The following PREX2 variants were observed in gnomAD, a reference collection of about 807,000 sequenced individuals.
PREX2 encodes phosphatidylinositol 3,4,5-trisphosphate-dependent Rac exchanger 2 protein.
PREX2 carries 107 observed loss-of-function variants against 203.2 expected under a neutral mutation model. The ratio of observed to expected loss-of-function variants is 0.53; its 90% CI spans 0.45 to 0.62. PREX2 has a LOEUF of 0.62. Ranked by LOEUF, PREX2 falls within the 20% of genes least tolerant of loss-of-function variation. The pLI is 0.00. For synonymous variants in PREX2, 672 were observed against 663.6 expected, an observed-to-expected ratio of 1.01 and a Z score of -0.19; for missense variants, 1,777 against 1,955.9, an observed-to-expected ratio of 0.91 and a Z score of 1.72.
At chr8:68,102,321 T>G (rs1810289258) in intron 23 of PREX2, among the ~76,000 whole-genome samples, 1 of 152,188 alleles carries the variant, frequency 6.6e-6, no homozygotes, top group African/African-American at 2.4e-5. Context: ...AAAAGAGACA[T>G]GTAGTCACCT....
chr8:68,051,797 C>G (rs1362471855), intron 8 of PREX2, among the ~76,000 whole-genome samples: 2 of 152,044 alleles, frequency 1.3e-5, no homozygotes, highest in African/African-American at 4.8e-5. Flanking sequence ...CAGTTTAAAT[C>G]TCTATATTAT....
In PREX2 at chr8:68,108,118, G is replaced by A. The variant is rs758672253; in HGVS notation, c.2725G>A (p.Val909Ile). ...RISSYKKFSRVLKNRAWPTFK... is the reference protein window; with the variant it reads ...RISSYKKFSRILKNRAWPTFK... ...TTTCTTTAATTTGCAGTTTTCTCGT[G>A]TACTGAAGAATAGGGCCTGGCCTAC... Residue 909 changes from valine (V) to isoleucine (I), a missense_variant, in exon 24 of 40, where the codon GTA becomes ATA. By Grantham distance (29) the Val-to-Ile change is conservative. Transcript: ENST00000288368. The A allele has an allele frequency of 2.5e-6, 4 of 1,611,582 alleles. No homozygotes were observed. The East Asian group carries it at 8.9e-5, about 36-fold the overall frequency.
intron 4 of PREX2, among the ~76,000 whole-genome samples, chr8:68,023,066 C>T (rs1807616175): frequency 6.6e-6 from 1 of 152,088 alleles, no homozygotes; most frequent in Non-Finnish European, 1.5e-5. Flanking sequence ...AGTTTGGGCT[C>T]CTATAAATAA....
intron 20 of PREX2, 55 bp from the exon 21 acceptor site, chr8:68,093,550 A>G: frequency 1.3e-6 from 1 of 757,276 alleles, no homozygotes; most frequent in South Asian, 2.0e-5. Flanking sequence ...CCAAATGGGC[A>G]TGTATTTTAG....
intron 1 of PREX2, among the ~76,000 whole-genome samples, chr8:67,964,280 C>T (rs535906304): frequency 4.0e-4 from 61 of 152,182 alleles, no homozygotes; most frequent in Non-Finnish European, 5.6e-4. Context: ...CATGGCTAAT[C>T]CAGCTCTAAG....
intron 1 of PREX2, among the ~76,000 whole-genome samples, chr8:67,968,029 A>G (rs1334468312): frequency 2.0e-4 from 31 of 151,798 alleles, no homozygotes; most frequent in African/African-American, 7.3e-4. Context: ...CATATGTAAC[A>G]AACCTGCATG....
intron 23 of PREX2, chr8:68,102,784 C>A: frequency 1.9e-6 from 1 of 514,544 alleles, no homozygotes; most frequent in Non-Finnish European, 3.9e-6. Flanking sequence ...AGTAAGACTG[C>A]TGCAATTATA....
At chr8:68,032,070 A>T (rs1203891592) in intron 6 of PREX2, among the ~76,000 whole-genome samples, 1 of 152,192 alleles carries the variant, frequency 6.6e-6, no homozygotes, top group Non-Finnish European at 1.5e-5. Context: ...TATACAGTAT[A>T]CACCAGTTAC....
rs1019334069 is a variant in PREX2 at position 68,103,754 on chromosome 8, C to T, written c.2715+3911C>T. The T allele has an allele frequency of 1.7e-5, 9 of 518,946 alleles. No homozygotes were observed. The East Asian group carries it at 2.2e-4, about 13-fold the overall frequency. 32.1% of individuals were successfully genotyped at this position (518,946 alleles called of 1,614,324 possible). A position where few individuals can be genotyped will look rare whatever the true frequency, so the allele number is the denominator to read the frequency against. On this transcript the variant is annotated intron_variant, in intron 23 of 39. Transcript: ENST00000288368. Reference sequence around the variant, plus strand: ...CGTAAACCTCTACTTGGTGGTTCTCCGTGACCCCACATATGCCTGGTTTTT... The same window carrying T: ...CGTAAACCTCTACTTGGTGGTTCTCTGTGACCCCACATATGCCTGGTTTTT...
chr8:68,107,587 C>T (rs1384653379), intron 23 of PREX2, among the ~76,000 whole-genome samples: 1 of 152,222 alleles, frequency 6.6e-6, no homozygotes, highest in African/African-American at 2.4e-5. Flanking sequence ...ACTTGTCCTG[C>T]CATTCTGGGC....
At chr8:68,014,395 G>C (rs1217423573) in intron 1 of PREX2, among the ~76,000 whole-genome samples, 1 of 152,134 alleles carries the variant, frequency 6.6e-6, no homozygotes, top group African/African-American at 2.4e-5. Flanking sequence ...GGGGAATGCT[G>C]GTGAGTGGAG....
chr8:68,150,275 AT>A (rs1338854291), intron 34 of PREX2, among the ~76,000 whole-genome samples: 1 of 152,112 alleles, frequency 6.6e-6, no homozygotes, highest in Non-Finnish European at 1.5e-5. Flanking sequence ...GGAGGGGATA[AT>A]TTAGGAGAGA....
At chr8:67,960,175 G>C (rs1805596300) in intron 1 of PREX2, among the ~76,000 whole-genome samples, 1 of 152,016 alleles carries the variant, frequency 6.6e-6, no homozygotes, top group African/African-American at 2.4e-5. Context: ...CTGAGTAGCT[G>C]GGACTACAGG....
chr8:68,152,486 G>A (rs1811460735), intron 34 of PREX2, among the ~76,000 whole-genome samples: 1 of 152,044 alleles, frequency 6.6e-6, no homozygotes, highest in South Asian at 2.1e-4. Flanking sequence ...CAGCCTAGTT[G>A]TGCCAGCTCC....
At chr8:68,196,304 GTAGT>G (rs1382350897) in intron 37 of PREX2, among the ~76,000 whole-genome samples, 6 of 149,726 alleles carry the variant, frequency 4.0e-5, no homozygotes, top group Non-Finnish European at 7.4e-5. Context: ...CGATTAAAAG[GTAGT>G]TAAATATATA....
In PREX2 at chr8:67,977,060, C is replaced by A. The variant is rs138784232; in HGVS notation, c.141+24525C>A. On this transcript the variant is annotated intron_variant, in intron 1 of 39. Coordinates refer to ENST00000288368, the MANE Select transcript of PREX2 (RefSeq NM_024870.4). ...TAATGGATTGAATGTTTGTCTCCCC[C>A]CTAAATGTATATGTTGAAATTCTAA... Among the ~76,000 whole-genome samples the A allele has an allele frequency of 8.5e-5, 13 of 152,282 alleles. 1 individual carries two copies. Among genetic ancestry groups the A allele is most frequent in the Admixed American group, 5.9e-4 (9 of 15,306 alleles).
chr8:68,097,386 G>GT (rs1810117622), intron 22 of PREX2, among the ~76,000 whole-genome samples, 185 bp downstream of exon 22: 1 of 151,110 alleles, frequency 6.6e-6, no homozygotes, highest in Non-Finnish European at 1.5e-5. Flanking sequence ...GTGCAGTGGC[G>GT]TGATCTCGGC....
intron 37 of PREX2, among the ~76,000 whole-genome samples, chr8:68,207,741 A>C (rs933651373): frequency 1.3e-5 from 2 of 152,138 alleles, no homozygotes; most frequent in Non-Finnish European, 2.9e-5. Flanking sequence ...GAGTTTGAGG[A>C]GCTTCAGTAA....
intron 35 of PREX2, among the ~76,000 whole-genome samples, chr8:68,169,837 A>G (rs1563573481): frequency 3.3e-5 from 5 of 152,102 alleles, no homozygotes; most frequent in South Asian, 2.1e-4. Flanking sequence ...TCAGGTATTT[A>G]TTTATCCAGT....
Sources: allele counts gnomAD v4.1 joint callset (sites outside exome capture counted in the v4.1 genomes callset), GRCh38; gene constraint gnomAD v4.1.1; transcripts MANE v1.5; gene names NCBI Gene and HGNC (gene_info 2026-07-23, HGNC 2026-07-21).